The following C1orf74 variants were observed in gnomAD, a reference collection of about 807,000 sequenced individuals.
The protein encoded by C1orf74 is UPF0739 protein C1orf74.
In C1orf74, 5 loss-of-function variants were observed where a neutral mutation model predicts 7.3. That is an observed-to-expected ratio of 0.68 (90% CI 0.36 to 1.44). C1orf74 has a LOEUF of 1.44. Ranked by LOEUF, C1orf74 falls within the 40% of genes most tolerant of loss-of-function variation. The pLI, the probability that C1orf74 is intolerant of heterozygous loss-of-function variation, is 0.04. For missense variants in C1orf74, 291 were observed against 314.3 expected, an observed-to-expected ratio of 0.93 and a Z score of 0.56; for synonymous variants, 121 against 132.5, an observed-to-expected ratio of 0.91 and a Z score of 0.59.
At position 209,782,792 on chromosome 1, in the gene C1orf74, CT is replaced by C; in HGVS notation, c.*32del. The C allele has an allele frequency of 1.9e-6, 3 of 1,592,968 alleles. No individual in the cohort carries two copies. The highest frequency in any genetic ancestry group is 2.6e-6 in the Non-Finnish European group (3 of 1,165,834). On this transcript the variant is annotated 3_prime_UTR_variant, in exon 2 of 2. Coordinates refer to ENST00000294811, the MANE Select transcript of C1orf74 (RefSeq NM_152485.4). ...TCCCCAACCTAGAGATGATCATTTA[CT>C]GAGTACCTTCTATATGGGAGGAGAG...
Position 209,780,554 on chromosome 1 carries a change from T to A in C1orf74, c.*2271A>T, listed in dbSNP as rs1490522559. 1.2e-6 allele frequency: 2 copies of A among 1,600,828 alleles called. No individual in the cohort carries two copies. The highest frequency in any genetic ancestry group is 2.2e-5 in the South Asian group (2 of 89,432). On this transcript the variant is annotated 3_prime_UTR_variant, in exon 2 of 2. Transcript: ENST00000294811. ...ACAGGGAAGGAGAAAGACTGGGATC[T>A]CAGAGACCAGCTGCAAAAGAAGACT...
chr1:209,783,839 C>G, intron 1 of C1orf74, 130 bp from the exon 2 acceptor site: 1 of 499,396 alleles, frequency 2.0e-6, no homozygotes, highest in Non-Finnish European at 3.6e-6. Flanking sequence ...TTCACCGATG[C>G]TGCTTGATTT....
Position 209,781,947 on chromosome 1 carries a change from C to T in C1orf74, c.*878G>A, listed in dbSNP as rs146491144. 4.1e-4 allele frequency: 352 copies of T among 867,674 alleles called. 2 individuals are homozygous for T. In the African/African-American group the frequency reaches 5.4e-3, roughly 13 times the overall value. 53.7% of individuals were successfully genotyped at this position (867,674 alleles called of 1,614,324 possible). ...AGAGTAAAAAGCTTTTTCTCCACCA[C>T]CAACCCAGCGTTTTCCACTGGGCTA... On this transcript the variant is annotated 3_prime_UTR_variant, in exon 2 of 2. Transcript: ENST00000294811.
chr1:209,783,191 C>T lies in C1orf74; in HGVS notation c.444G>A (p.Gly148=). The T allele has an allele frequency of 1.2e-6, 2 of 1,614,126 alleles. No homozygotes were observed. Among genetic ancestry groups the T allele is most frequent in the Non-Finnish European group, 1.7e-6 (2 of 1,180,034 alleles). ...LVAEIITHLQ[G]LQRDLSLAVS... ...CTGCTAGAGATAAGTCCCTCTGCAG[C>T]CCCTGCAAATGTGTGATGATCTCAG... Residue 148 remains glycine, a synonymous_variant, in exon 2 of 2, where the codon GGG becomes GGA. Coordinates refer to ENST00000294811, the MANE Select transcript of C1orf74 (RefSeq NM_152485.4).
chr1:209,780,901 A>T lies in C1orf74; in HGVS notation c.*1924T>A, dbSNP rs2077763710. On this transcript the variant is annotated 3_prime_UTR_variant, in exon 2 of 2. Transcript: ENST00000294811. Reference sequence around the variant, plus strand: ...CTCAATATGTCGTCCCACATTGAGTATCTTAAGTCTTTATATGTCTCTTAA... The same window carrying T: ...CTCAATATGTCGTCCCACATTGAGTTTCTTAAGTCTTTATATGTCTCTTAA... 4.9e-6 allele frequency: 1 copy of T among 205,248 alleles called. No homozygotes were observed. The highest frequency in any genetic ancestry group is 5.8e-5 in the Admixed American group (1 of 17,244). 12.7% of individuals were successfully genotyped at this position (205,248 alleles called of 1,614,324 possible). A position where few individuals can be genotyped will look rare whatever the true frequency, so the allele number is the denominator to read the frequency against.
chr1:209,782,910 AG>A lies in C1orf74; in HGVS notation c.724del (p.Leu242SerfsTer20). 1 of 1,614,170 alleles carries A rather than the reference AG, an allele frequency of 6.2e-7. No homozygotes were observed. Among genetic ancestry groups the A allele is most frequent in the South Asian group, 1.1e-5 (1 of 91,078 alleles). Reference sequence around the variant, plus strand: ...ATTCTGAGTCCTAAATCGGGTTCTGAGGTCCTTCTCCCAGGTGTTTAGAATG... The same window carrying A: ...ATTCTGAGTCCTAAATCGGGTTCTGAGTCCTTCTCCCAGGTGTTTAGAATG... ...RDILNTWEKDLRTRFRTQNDF... is the reference protein window; with the variant it reads ...RDILNTWEKDXRTRFRTQNDF... On this transcript the variant is annotated frameshift_variant, in exon 2 of 2. Transcript: ENST00000294811. LOFTEE classifies it high-confidence loss of function.
chr1:209,779,362 T>G lies in C1orf74; in HGVS notation c.*3463A>C. 6.2e-7 allele frequency: 1 copy of G among 1,614,086 alleles called. No individual in the cohort carries two copies. ...ACAGCTTCAAGAACAGGAGAAACTCTTAACAAAGAAAGGTCAGCAAATTTA... is the reference window on the plus strand; with the variant it reads ...ACAGCTTCAAGAACAGGAGAAACTCGTAACAAAGAAAGGTCAGCAAATTTA... On this transcript the variant is annotated 3_prime_UTR_variant, in exon 2 of 2. Transcript: ENST00000294811.
At position 209,781,921 on chromosome 1, in the gene C1orf74, C is replaced by G. The variant is rs1388323931; in HGVS notation, c.*904G>C. On this transcript the variant is annotated 3_prime_UTR_variant, in exon 2 of 2. Coordinates refer to ENST00000294811, the MANE Select transcript of C1orf74 (RefSeq NM_152485.4). The stretch of plus-strand genomic sequence containing the variant: ...CCAAGACAGGTGACAAAATGGGAGA[C>G]AGAGTAAAAAGCTTTTTCTCCACCA... The G allele has an allele frequency of 1.5e-6, 1 of 657,700 alleles. No individual in the cohort carries two copies. Among genetic ancestry groups the G allele is most frequent in the African/African-American group, 1.8e-5 (1 of 55,308 alleles). The allele number at this position is 657,700 out of a possible 1,614,324, so 40.7% of individuals were successfully genotyped here. A position where few individuals can be genotyped will look rare whatever the true frequency, so the allele number is the denominator to read the frequency against.
At position 209,782,893 on chromosome 1, in the gene C1orf74, T is replaced by C; in HGVS notation, c.742A>G (p.Thr248Ala). Residue 248 changes from threonine (T) to alanine (A), a missense_variant, in exon 2 of 2, where the codon ACT becomes GCT. Coordinates refer to ENST00000294811, the MANE Select transcript of C1orf74 (RefSeq NM_152485.4). Reference sequence around the variant, plus strand: ...CTGAGATCAGCAAAGTCATTCTGAGTCCTAAATCGGGTTCTGAGGTCCTTC... The same window carrying C: ...CTGAGATCAGCAAAGTCATTCTGAGCCCTAAATCGGGTTCTGAGGTCCTTC... ...WEKDLRTRFRTQNDFADLSIS... is the reference protein window; with the variant it reads ...WEKDLRTRFRAQNDFADLSIS... The C allele has an allele frequency of 6.2e-7, 1 of 1,614,120 alleles. No individual in the cohort carries two copies.
In C1orf74 at chr1:209,780,351, G is replaced by A; in HGVS notation, c.*2474C>T. ...TATGTCAGAGAATGCCATCAGTCTAGCCAAGAGCACGCCCTCCCAAGTTCC... is the reference window on the plus strand; with the variant it reads ...TATGTCAGAGAATGCCATCAGTCTAACCAAGAGCACGCCCTCCCAAGTTCC... On this transcript the variant is annotated 3_prime_UTR_variant, in exon 2 of 2. Transcript: ENST00000294811. The A allele has an allele frequency of 1.0e-6, 1 of 956,290 alleles. No individual in the cohort carries two copies. Among genetic ancestry groups the A allele is most frequent in the Non-Finnish European group, 1.5e-6 (1 of 685,452 alleles). The allele number at this position is 956,290 out of a possible 1,614,324, so 59.2% of individuals were successfully genotyped here.
Position 209,782,622 on chromosome 1 carries a change from C to T in C1orf74, c.*203G>A, listed in dbSNP as rs145674628. The T allele has an allele frequency of 1.3e-5, 8 of 599,520 alleles. No homozygotes were observed. Among genetic ancestry groups the T allele is most frequent in the Non-Finnish European group, 2.1e-5 (7 of 339,460 alleles). The allele number at this position is 599,520 out of a possible 1,614,324, so 37.1% of individuals were successfully genotyped here. ...AGAGGACTTCCTAGTATAGAAATGG[C>T]AAGTATGTACTATCTACCAATTTGC... On this transcript the variant is annotated 3_prime_UTR_variant, in exon 2 of 2. Transcript: ENST00000294811.
In C1orf74 at chr1:209,780,817, A is replaced by G. The variant is rs997412053; in HGVS notation, c.*2008T>C. ...CAACTCCTATTCAAGGTTTTATTAAATGATTACCTTTTAGAAAGTCGACCA... is the reference window on the plus strand; with the variant it reads ...CAACTCCTATTCAAGGTTTTATTAAGTGATTACCTTTTAGAAAGTCGACCA... On this transcript the variant is annotated 3_prime_UTR_variant, in exon 2 of 2. Transcript: ENST00000294811. 2.8e-6 allele frequency: 1 copy of G among 351,388 alleles called. No homozygotes were observed. Among genetic ancestry groups the G allele is most frequent in the Non-Finnish European group, 5.0e-6 (1 of 200,962 alleles). The allele number at this position is 351,388 out of a possible 1,614,324, so 21.8% of individuals were successfully genotyped here. A position where few individuals can be genotyped will look rare whatever the true frequency, so the allele number is the denominator to read the frequency against.
chr1:209,779,851 T>G lies in C1orf74; in HGVS notation c.*2974A>C, dbSNP rs1050548679. ...ACTACACACGACCTTTTGTTTTCTC[T>G]TCACAATCATTGGGCATAATATAAT... On this transcript the variant is annotated 3_prime_UTR_variant, in exon 2 of 2. Coordinates refer to ENST00000294811, the MANE Select transcript of C1orf74 (RefSeq NM_152485.4). 6.1e-5 allele frequency: 15 copies of G among 245,490 alleles called. 2 individuals carry two copies. In the South Asian group the frequency reaches 9.1e-4, roughly 15 times the overall value. 15.2% of individuals were successfully genotyped at this position (245,490 alleles called of 1,614,324 possible). A position where few individuals can be genotyped will look rare whatever the true frequency, so the allele number is the denominator to read the frequency against.
Position 209,782,046 on chromosome 1 carries a change from C to T in C1orf74, c.*779G>A, listed in dbSNP as rs780432245. On this transcript the variant is annotated 3_prime_UTR_variant, in exon 2 of 2. Transcript: ENST00000294811. ...TGGCCACTTTCTTCTGTCTCCCTGTCCCCCTACAGAGGCAATGTGGGCGAT... is the reference window on the plus strand; with the variant it reads ...TGGCCACTTTCTTCTGTCTCCCTGTTCCCCTACAGAGGCAATGTGGGCGAT... The T allele has an allele frequency of 6.2e-7, 1 of 1,610,710 alleles. No individual in the cohort carries two copies. The highest frequency in any genetic ancestry group is 8.5e-7 in the Non-Finnish European group (1 of 1,176,906).
Position 209,783,251 on chromosome 1 carries a change from G to A in C1orf74, c.384C>T (p.Ser128=), listed in dbSNP as rs760620266. 2 of 1,614,150 alleles carry A rather than the reference G, an allele frequency of 1.2e-6. No homozygotes were observed. The highest frequency in any genetic ancestry group is 2.2e-5 in the East Asian group (1 of 44,876). The change falls in exon 2 of 2, where the codon TCC becomes TCT. Residue 128 remains serine, a synonymous_variant. Coordinates refer to ENST00000294811, the MANE Select transcript of C1orf74 (RefSeq NM_152485.4). ...CCTTCAAGTCCTGAAGCTGGTCCAG[G>A]GAGCAGACAGAAGGGTGACGCTGGC... The part of the protein sequence containing the change: ...SSCQRHPSVC[S]LDQLQDLKAL...
Position 209,780,624 on chromosome 1 carries a change from G to A in C1orf74, c.*2201C>T, listed in dbSNP as rs765230204. Reference sequence around the variant, plus strand: ...AAAAGGAGGTGAGAGGGTGACCTGAGATAGTGAGGGCTCATTTGCGAAATA... The same window carrying A: ...AAAAGGAGGTGAGAGGGTGACCTGAAATAGTGAGGGCTCATTTGCGAAATA... On this transcript the variant is annotated 3_prime_UTR_variant, in exon 2 of 2. Transcript: ENST00000294811. The A allele has an allele frequency of 1.3e-6, 2 of 1,543,336 alleles. No individual in the cohort carries two copies. The highest frequency in any genetic ancestry group is 2.4e-5 in the South Asian group (2 of 83,300).
At position 209,781,112 on chromosome 1, in the gene C1orf74, T is replaced by G. The variant is rs780900817; in HGVS notation, c.*1713A>C. ...TGCACGTAAAGTCATATAAAAGAAC[T>G]TAAATGTATAAAATGTAATACTATA... On this transcript the variant is annotated 3_prime_UTR_variant, in exon 2 of 2. Transcript: ENST00000294811. 1 of 268,810 alleles carries G rather than the reference T, an allele frequency of 3.7e-6. No individual in the cohort carries two copies. Among genetic ancestry groups the G allele is most frequent in the Non-Finnish European group, 7.1e-6 (1 of 140,720 alleles). 16.7% of individuals were successfully genotyped at this position (268,810 alleles called of 1,614,324 possible). A position where few individuals can be genotyped will look rare whatever the true frequency, so the allele number is the denominator to read the frequency against.
At position 209,783,459 on chromosome 1, in the gene C1orf74, T is replaced by C; in HGVS notation, c.176A>G (p.Asn59Ser). Residue 59 changes from asparagine to serine, a missense_variant, in exon 2 of 2, where the codon AAC becomes AGC. By Grantham distance (46) the Asn-to-Ser change is conservative. Transcript: ENST00000294811. The part of the protein sequence containing the change: ...GLKPAVLYDC[N>S]CAGASELQSY... ...CTGGAGCTCTGATGCCCCTGCACAG[T>C]TGCAATCATAGAGCACAGCTGGCTT... is the stretch of plus-strand genomic sequence containing the variant. 1.2e-6 allele frequency: 2 copies of C among 1,614,080 alleles called. No individual in the cohort carries two copies. Among genetic ancestry groups the C allele is most frequent in the South Asian group, 1.1e-5 (1 of 91,066 alleles).
Position 209,780,510 on chromosome 1 carries a change from C to T in C1orf74, c.*2315G>A, listed in dbSNP as rs147808288. ...TGTGGAGTCCAAAGTCCTTCCCTAA[C>T]GAAGTGGAGCCTGAGGGTACAGGGA... On this transcript the variant is annotated 3_prime_UTR_variant, in exon 2 of 2. Coordinates refer to ENST00000294811, the MANE Select transcript of C1orf74 (RefSeq NM_152485.4). The T allele has an allele frequency of 1.4e-5, 23 of 1,600,536 alleles. No homozygotes were observed. Among genetic ancestry groups the T allele is most frequent in the African/African-American group, 5.4e-5 (4 of 74,262 alleles).
Sources: gnomAD v4.1 joint callset for allele counts on GRCh38, gnomAD v4.1.1 for gene constraint, MANE v1.5 for transcripts, NCBI Gene and HGNC (gene_info 2026-07-23, HGNC 2026-07-21) for gene names.